The following SRRM4 variants were observed in gnomAD, a reference collection of about 807,000 sequenced individuals.
SRRM4 encodes serine/arginine repetitive matrix 4.
Under a neutral mutation model 68.9 loss-of-function variants are expected in SRRM4, and 33 were observed. That is an observed-to-expected ratio of 0.48 (90% CI 0.36 to 0.64). The LOEUF is 0.64. SRRM4 is among the 30% of genes least tolerant of loss of function. SRRM4 has a pLI of 0.00. For synonymous variants in SRRM4, 318 were observed against 318.8 expected, an observed-to-expected ratio of 1.00 and a Z score of 0.03; for missense variants, 817 against 827.1, an observed-to-expected ratio of 0.99 and a Z score of 0.15.
intron 1 of SRRM4, among the ~76,000 whole-genome samples, chr12:119,040,340 C>T (rs1008417798): frequency 2.6e-5 from 4 of 152,104 alleles, no homozygotes; most frequent in African/African-American, 4.8e-5. Context: ...TCTGTTATCC[C>T]CTGTGTCCCT....
chr12:119,008,134 G>T (rs1161002450), intron 1 of SRRM4, among the ~76,000 whole-genome samples: 1 of 152,118 alleles, frequency 6.6e-6, no homozygotes, highest in Non-Finnish European at 1.5e-5. Context: ...TGGAGCAGTG[G>T]CTCATGCCTG....
rs939724850 is a variant in SRRM4, at chr12:119,103,458, A to C, written c.278+1076A>C. ...TCCTTCTTTGTGTTCATAAATTCTT[A>C]TAAGTGGGAGTTAAGTGGAGTAATT... On this transcript the variant is annotated intron_variant, in intron 2 of 12. Coordinates refer to ENST00000267260, the MANE Select transcript of SRRM4 (RefSeq NM_194286.4). Among the ~76,000 whole-genome samples, 34 of 152,220 alleles carry C rather than the reference A, an allele frequency of 2.2e-4. 1 individual carries two copies. Among genetic ancestry groups the C allele is most frequent in the African/African-American group, 8.2e-4 (34 of 41,534 alleles).
chr12:119,157,224 A>C lies in SRRM4; in HGVS notation c.*426A>C. On this transcript the variant is annotated 3_prime_UTR_variant, in exon 13 of 13. Coordinates refer to ENST00000267260, the MANE Select transcript of SRRM4 (RefSeq NM_194286.4). The surrounding 1 kb of genome is among the most constrained non-coding windows in gnomAD (Gnocchi z 4.1). ...CCGGATGCCCCACTAGTCCAACTTC[A>C]TGGCTGCACGTGGATGGACCCCCAT... The C allele has an allele frequency of 1.7e-5, 3 of 173,522 alleles. No individual in the cohort carries two copies. The highest frequency in any genetic ancestry group is 3.7e-5 in the Non-Finnish European group (3 of 81,688). The allele number at this position is 173,522 out of a possible 1,614,324, so 10.7% of individuals were successfully genotyped here.
intron 1 of SRRM4, among the ~76,000 whole-genome samples, chr12:119,092,529 T>A (rs1014744878): frequency 2.0e-5 from 3 of 151,888 alleles, no homozygotes; most frequent in Admixed American, 1.3e-4. Context: ...AACCTTGGAG[T>A]CATCCTTGGC....
chr12:119,001,965 A>G (rs775138736), intron 1 of SRRM4: 8 of 143,108 alleles, frequency 5.6e-5, no homozygotes, highest in Non-Finnish European at 1.2e-4. Flanking sequence ...CCTGGGTGAC[A>G]GAGTGAAAAC....
chr12:119,153,639 A>T lies in SRRM4; in HGVS notation c.1381A>T (p.Ser461Cys), dbSNP rs376470371. The change falls in exon 11 of 13, where the codon AGC becomes TGC. Residue 461 changes from serine to cysteine, a missense_variant. By Grantham distance (112) the Ser-to-Cys change is moderately radical (BLOSUM62 -1). Transcript: ENST00000267260. ...CCGCAGCCCTAGCTACTCCCGCTACAGCCCCAGCAGGTACCGGCCCCGCCC... is the reference window on the plus strand; with the variant it reads ...CCGCAGCCCTAGCTACTCCCGCTACTGCCCCAGCAGGTACCGGCCCCGCCC... ...SRRSPSYSRY[S>C]PSRERDPKYS... 2.6e-5 allele frequency: 40 copies of T among 1,554,386 alleles called. No individual in the cohort carries two copies. In the Middle Eastern group the frequency reaches 6.7e-4, roughly 26 times the overall value.
intron 1 of SRRM4, among the ~76,000 whole-genome samples, chr12:119,044,419 T>A (rs1953691750): frequency 6.6e-6 from 1 of 152,122 alleles, no homozygotes; most frequent in African/African-American, 2.4e-5. Flanking sequence ...GAGTTTTTAT[T>A]AAAGCTAATC....
At chr12:119,125,506 C>A (rs1039517707) in intron 7 of SRRM4, 27 bp downstream of exon 7, 4 of 1,595,608 alleles carry the variant, frequency 2.5e-6, no homozygotes, top group Non-Finnish European at 3.4e-6. Flanking sequence ...GGATCCTCTT[C>A]TGTCAGCCAC....
At chr12:119,105,327 A>G (rs996212219) in intron 2 of SRRM4, among the ~76,000 whole-genome samples, 12 of 152,180 alleles carry the variant, frequency 7.9e-5, no homozygotes, top group African/African-American at 1.9e-4. Context: ...TCCTTTGGTT[A>G]TATACCCAGT....
chr12:119,144,988 T>G (rs1465089016), intron 8 of SRRM4, among the ~76,000 whole-genome samples: 1 of 152,170 alleles, frequency 6.6e-6, no homozygotes, highest in Admixed American at 6.5e-5. Flanking sequence ...GTTCCATTTC[T>G]TTTTCCCCTT....
At chr12:119,071,200 C>T (rs1368490727) in intron 1 of SRRM4, among the ~76,000 whole-genome samples, 4 of 152,172 alleles carry the variant, frequency 2.6e-5, no homozygotes, top group Non-Finnish European at 5.9e-5. Context: ...CACAACCAAA[C>T]ATTGAATGCC....
intron 1 of SRRM4, among the ~76,000 whole-genome samples, chr12:119,054,384 G>A (rs1953764363): frequency 6.6e-6 from 1 of 152,144 alleles, no homozygotes; most frequent in Non-Finnish European, 1.5e-5. Context: ...CAGTGAGGTG[G>A]GGAATATTAT....
chr12:118,998,597 A>G (rs756156666), intron 1 of SRRM4, among the ~76,000 whole-genome samples: 3 of 152,232 alleles, frequency 2.0e-5, no homozygotes, highest in Non-Finnish European at 2.9e-5. Context: ...TAATGTTATC[A>G]CTGGATTCCC....
intron 8 of SRRM4, among the ~76,000 whole-genome samples, chr12:119,136,332 A>G (rs1954327938): frequency 1.3e-5 from 2 of 152,214 alleles, no homozygotes; most frequent in Admixed American, 6.5e-5. Context: ...ACATTCTGCA[A>G]AGCCTTTGAG....
intron 1 of SRRM4, among the ~76,000 whole-genome samples, chr12:119,087,558 G>A (rs1377581305): frequency 3.9e-5 from 6 of 152,038 alleles, no homozygotes; most frequent in South Asian, 4.2e-4. Context: ...CCAGAAACGC[G>A]CTGGAGGGAA....
At position 119,102,277 on chromosome 12, in the gene SRRM4, G is replaced by T. The variant is rs750031037; in HGVS notation, c.173G>T (p.Gly58Val). The T allele has an allele frequency of 4.3e-6, 7 of 1,613,628 alleles. No individual in the cohort carries two copies. The East Asian group carries it at 1.3e-4, about 31-fold the overall frequency. The stretch of plus-strand genomic sequence containing the variant: ...AACCCCGTTGTCCCAGCTCAGGATG[G>T]ACCCTCAGAAAAGCTGGGTCAGCAT... ...QNNPVVPAQD[G>V]PSEKLGQHLA... Residue 58 changes from glycine (G) to valine (V), a missense_variant, in exon 2 of 13, where the codon GGA becomes GTA. Transcript: ENST00000267260.
chr12:119,101,048 T>C (rs935710031), intron 1 of SRRM4, among the ~76,000 whole-genome samples: 4 of 152,200 alleles, frequency 2.6e-5, no homozygotes, highest in Non-Finnish European at 1.5e-5. Flanking sequence ...TGACTTGCTC[T>C]CTTAGAAGCC....
chr12:119,096,609 T>C (rs1449471174), intron 1 of SRRM4, among the ~76,000 whole-genome samples: 2 of 152,202 alleles, frequency 1.3e-5, no homozygotes, highest in African/African-American at 2.4e-5. Context: ...GCCAGAGCTA[T>C]GATATGAGTC....
Position 119,157,593 on chromosome 12 carries a change from C to T in SRRM4, c.*795C>T, listed in dbSNP as rs894346879. ...CATTCACAGGGGCCCTGCAACCTCA[C>T]GAGAAAGGAGATAGTGGAAGAGTCA... On this transcript the variant is annotated 3_prime_UTR_variant, in exon 13 of 13. Transcript: ENST00000267260. The surrounding 1 kb of genome is among the most constrained non-coding windows in gnomAD (Gnocchi z 4.1). The T allele has an allele frequency of 5.3e-5, 8 of 152,346 alleles. No individual in the cohort carries two copies. Among genetic ancestry groups the T allele is most frequent in the Admixed American group, 1.3e-4 (2 of 15,280 alleles). 9.4% of individuals were successfully genotyped at this position (152,346 alleles called of 1,614,324 possible).
Sources: gnomAD v4.1 joint callset for allele counts (sites outside exome capture counted in the v4.1 genomes callset) on GRCh38, gnomAD v4.1.1 for gene constraint, Gnocchi (gnomAD v3.1) non-coding constraint, MANE v1.5 for transcripts, NCBI Gene and HGNC (gene_info 2026-07-23, HGNC 2026-07-21) for gene names.